METTL16: variants seen among roughly 807,000 people sequenced by gnomAD.
The protein encoded by METTL16 is methyltransferase 16, RNA N6-adenosine, also known as RNA N(6)-adenosine-methyltransferase METTL16.
METTL16 carries 19 observed loss-of-function variants against 57.9 expected under a neutral mutation model. That is an observed-to-expected ratio of 0.33 (90% CI 0.23 to 0.48). The LOEUF (loss-of-function observed/expected upper bound fraction) is 0.48. Among genes scored for constraint, METTL16 ranks in the 20% least tolerant of loss-of-function variants. METTL16 has a pLI of 0.99. For missense variants in METTL16, 434 were observed against 691.5 expected (o/e 0.63, Z 4.18); for synonymous variants, 246 against 255.6 (o/e 0.96, Z 0.36).
chr17:2,429,077 C>T (rs866569816), intron 8 of METTL16, among the ~76,000 whole-genome samples: 4 of 151,896 alleles, frequency 2.6e-5, no homozygotes, highest in Admixed American at 6.6e-5. Flanking sequence ...GGGCTGGTCT[C>T]GAACTCCCGA....
In METTL16 at chr17:2,420,815, G is replaced by C. The variant is rs758334891; in HGVS notation, c.978C>G (p.Leu326=). ...TCTCCGAGCGCAGAGGTGATGCTTTGAGGGATAATTCCTTCATCACGGACG... is the reference window on the plus strand; with the variant it reads ...TCTCCGAGCGCAGAGGTGATGCTTTCAGGGATAATTCCTTCATCACGGACG... ...VLASVMKELS[L]KASPLRSETA... Residue 326 remains leucine, a synonymous_variant, in exon 9 of 10, where the codon CTC becomes CTG. Coordinates refer to ENST00000263092, the MANE Select transcript of METTL16 (RefSeq NM_024086.4). This position sits in a 1 kb window ranked among gnomAD's most constrained non-coding sequence, Gnocchi z 5.4. The C allele has an allele frequency of 1.2e-6, 2 of 1,614,242 alleles. No individual in the cohort carries two copies. The highest frequency in any genetic ancestry group is 1.7e-6 in the Non-Finnish European group (2 of 1,180,044).
At chr17:2,466,806 T>G (rs1390400612) in intron 5 of METTL16, among the ~76,000 whole-genome samples, 2 of 152,174 alleles carry the variant, frequency 1.3e-5, no homozygotes, top group Admixed American at 1.3e-4. Context: ...TTTGTTTTCT[T>G]TTTTTCCCAA....
intron 2 of METTL16, among the ~76,000 whole-genome samples, chr17:2,484,142 G>C (rs941324523): frequency 1.3e-5 from 2 of 152,182 alleles, no homozygotes; most frequent in African/African-American, 4.8e-5. Context: ...GCTTGATAAA[G>C]AGTATTATCT....
intron 6 of METTL16, among the ~76,000 whole-genome samples, chr17:2,452,031 G>A (rs369487955): frequency 6.6e-6 from 1 of 151,948 alleles, no homozygotes; most frequent in Admixed American, 6.6e-5. Context: ...CAGCTACTAG[G>A]GGGGCTGAGG....
intron 6 of METTL16, among the ~76,000 whole-genome samples, chr17:2,463,962 T>G (rs2067171874): frequency 6.6e-6 from 1 of 151,600 alleles, no homozygotes; most frequent in African/African-American, 2.4e-5. Context: ...CCCCCTTGTC[T>G]CTACTAGAAA....
At chr17:2,431,450 G>A (rs895683832) in intron 8 of METTL16, among the ~76,000 whole-genome samples, 1 of 152,172 alleles carries the variant, frequency 6.6e-6, no homozygotes. Flanking sequence ...TACAATGTTT[G>A]TGATACGTGT....
intron 8 of METTL16, among the ~76,000 whole-genome samples, chr17:2,434,262 G>GACCTCGGCTCACTGTA (rs2066894620): frequency 6.6e-6 from 1 of 152,164 alleles, no homozygotes. Flanking sequence ...GCAACGGCGT[G>GACCTCGGCTCACTGTA]ACCTCGGCTC....
At chr17:2,425,066 C>G (rs1462845068) in intron 8 of METTL16, among the ~76,000 whole-genome samples, 2 of 152,092 alleles carry the variant, frequency 1.3e-5, no homozygotes, top group African/African-American at 4.8e-5. Context: ...TCTTATTTAT[C>G]ATGAAAAGTC....
intron 2 of METTL16, among the ~76,000 whole-genome samples, chr17:2,492,897 CAA>C (rs56853674): frequency 4.0e-5 from 3 of 75,912 alleles, no homozygotes; most frequent in African/African-American, 1.0e-4. Flanking sequence ...GACTCCGTCT[CAA>C]AAAAAAAAAA....
chr17:2,474,519 C>T (rs1242394137), intron 3 of METTL16, among the ~76,000 whole-genome samples: 4 of 151,950 alleles, frequency 2.6e-5, no homozygotes, highest in Non-Finnish European at 5.9e-5. Flanking sequence ...TCAAGGGAAG[C>T]ACTCAAGAGG....
At chr17:2,467,408 T>C (rs983307284) in intron 5 of METTL16, among the ~76,000 whole-genome samples, 2 of 152,330 alleles carry the variant, frequency 1.3e-5, no homozygotes, top group Admixed American at 6.5e-5. Flanking sequence ...CTCTTATCTG[T>C]GCAAATAAGG....
intron 4 of METTL16, among the ~76,000 whole-genome samples, chr17:2,473,137 C>G (rs1476014033): frequency 2.0e-5 from 3 of 152,066 alleles, no homozygotes; most frequent in Non-Finnish European, 2.9e-5. Flanking sequence ...CTTCATTTTG[C>G]TATGAACCTA....
chr17:2,461,859 G>A (rs2067152194), intron 6 of METTL16, among the ~76,000 whole-genome samples: 1 of 152,160 alleles, frequency 6.6e-6, no homozygotes, highest in Admixed American at 6.5e-5. Flanking sequence ...GATTACAGGT[G>A]TGAGCCACCG....
intron 6 of METTL16, among the ~76,000 whole-genome samples, chr17:2,456,926 T>C (rs1256023596): frequency 1.3e-5 from 2 of 149,444 alleles, no homozygotes; most frequent in African/African-American, 4.9e-5. Flanking sequence ...TAGCTGGGAT[T>C]ACAGGCGCAT....
At chr17:2,438,525 CAG>C (rs1260393002) in intron 7 of METTL16, among the ~76,000 whole-genome samples, 2 of 152,034 alleles carry the variant, frequency 1.3e-5, no homozygotes, top group African/African-American at 2.4e-5. Flanking sequence ...TTTTTTGAGA[CAG>C]AGTCTTGCTC....
intron 8 of METTL16, among the ~76,000 whole-genome samples, chr17:2,429,439 C>T (rs990734728): frequency 2.2e-4 from 33 of 150,972 alleles, no homozygotes; most frequent in African/African-American, 7.1e-4. Flanking sequence ...CCGCCCGCCT[C>T]GGCCTCCCAA....
At chr17:2,482,933 T>A (rs898376710) in intron 2 of METTL16, among the ~76,000 whole-genome samples, 1 of 150,342 alleles carries the variant, frequency 6.7e-6, no homozygotes, top group Admixed American at 6.7e-5. Context: ...AATAATAATA[T>A]TAACACTAGA....
chr17:2,508,380 G>A (rs933873331), intron 1 of METTL16, among the ~76,000 whole-genome samples: 1 of 152,096 alleles, frequency 6.6e-6, no homozygotes, highest in Non-Finnish European at 1.5e-5. Context: ...AAAAATACAT[G>A]TACAATATGT....
intron 8 of METTL16, among the ~76,000 whole-genome samples, chr17:2,430,527 T>C (rs1201103901): frequency 1.4e-5 from 2 of 145,924 alleles, no homozygotes; most frequent in African/African-American, 5.1e-5. Context: ...GCCATTCTCC[T>C]GCCTCAGCCT....
Sources: allele counts gnomAD v4.1 joint callset (sites outside exome capture counted in the v4.1 genomes callset), GRCh38; gene constraint gnomAD v4.1.1; non-coding constraint Gnocchi (gnomAD v3.1); transcripts MANE v1.5; gene names NCBI Gene and HGNC (gene_info 2026-07-23, HGNC 2026-07-21).